CPEB3: variants seen among roughly 807,000 people sequenced by gnomAD.
CPEB3 encodes cytoplasmic polyadenylation element binding protein 3, also known as cytoplasmic polyadenylation element-binding protein 3.
A neutral mutation model predicts 67.2 loss-of-function variants in CPEB3; 20 were observed. That is an observed-to-expected ratio of 0.30 (90% CI 0.21 to 0.43). The LOEUF is 0.43. CPEB3 is among the 20% of genes least tolerant of loss of function. The pLI is 1.00. For missense variants in CPEB3, 746 were observed against 968.6 expected, an observed-to-expected ratio of 0.77 and a Z score of 3.05; for synonymous variants, 376 against 393.1, an observed-to-expected ratio of 0.96 and a Z score of 0.51.
intron 8 of CPEB3, among the ~76,000 whole-genome samples, chr10:92,083,503 C>T (rs1843240614): frequency 2.0e-5 from 3 of 152,050 alleles, no homozygotes; most frequent in African/African-American, 7.3e-5. Flanking sequence ...AGAATCTCCT[C>T]ATACGGCTAA....
At chr10:92,235,444 CAA>C in intron 2 of CPEB3, among the ~76,000 whole-genome samples, 1 of 134,634 alleles carries the variant, frequency 7.4e-6, no homozygotes, top group Non-Finnish European at 1.6e-5. Flanking sequence ...GACATTGTCT[CAA>C]AAAAAAAAAA....
In CPEB3 at chr10:92,057,593, C is replaced by T. The variant is rs557147910; in HGVS notation, c.1870-5154G>A. Among the ~76,000 whole-genome samples, 3 of 152,338 alleles carry T rather than the reference C, an allele frequency of 2.0e-5. No homozygotes were observed. In the South Asian group the frequency reaches 6.2e-4, roughly 32 times the overall value. On this transcript the variant is annotated intron_variant, in intron 9 of 9. Transcript: ENST00000265997. ...CCTGCTGATAGTAGTGCCCCAGGGC[C>T]CTGAGCGAACACAGGCAGTAACCAG...
chr10:92,216,518 G>A (rs1344790768), intron 2 of CPEB3: 12 of 1,612,788 alleles, frequency 7.4e-6, no homozygotes, highest in African/African-American at 4.0e-5. Flanking sequence ...GATTCGGCGC[G>A]GGGTGAAAGA....
At chr10:92,123,981 A>G (rs1845504824) in intron 6 of CPEB3, among the ~76,000 whole-genome samples, 1 of 152,170 alleles carries the variant, frequency 6.6e-6, no homozygotes, top group Admixed American at 6.5e-5. Flanking sequence ...CCTTAGCCCT[A>G]TCTAACTACT....
At chr10:92,080,898 C>T (rs541708259) in intron 9 of CPEB3, among the ~76,000 whole-genome samples, 97 of 152,248 alleles carry the variant, frequency 6.4e-4, no homozygotes, top group Middle Eastern at 3.4e-3. Flanking sequence ...CGCGCCCGGT[C>T]ATTTGGCAAT....
At chr10:92,240,522 T>C (rs1204549887) in intron 1 of CPEB3, among the ~76,000 whole-genome samples, 161 bp from the exon 2 acceptor site, 3 of 152,162 alleles carry the variant, frequency 2.0e-5, no homozygotes, top group African/African-American at 4.8e-5. Flanking sequence ...GGTCAGGCTG[T>C]TGGGTGGGGA....
intron 3 of CPEB3, among the ~76,000 whole-genome samples, chr10:92,185,761 G>A (rs996149877): frequency 1.3e-5 from 2 of 152,134 alleles, no homozygotes; most frequent in Non-Finnish European, 2.9e-5. Context: ...ATTCTACTGG[G>A]TTTTATTTCC....
At chr10:92,267,457 C>T (rs1040766270) in intron 1 of CPEB3, among the ~76,000 whole-genome samples, 1 of 152,164 alleles carries the variant, frequency 6.6e-6, no homozygotes, top group African/African-American at 2.4e-5. Context: ...GAAAGGCAGT[C>T]AGCAGCCAGA....
At chr10:92,280,631 G>A (rs1381285487) in intron 1 of CPEB3, among the ~76,000 whole-genome samples, 5 of 146,726 alleles carry the variant, frequency 3.4e-5, no homozygotes, top group Admixed American at 6.8e-5. Context: ...CAGAGGATGC[G>A]GTGGTTTCAG....
chr10:92,119,128 T>G (rs1845199689), intron 6 of CPEB3: 1 of 1,586,342 alleles, frequency 6.3e-7, no homozygotes, highest in Non-Finnish European at 8.7e-7. Context: ...TCCTGGTTCT[T>G]ACTGTGTTGT....
chr10:92,195,145 C>G (rs537764410), intron 2 of CPEB3, among the ~76,000 whole-genome samples: 302 of 151,276 alleles, frequency 2.0e-3, no homozygotes, highest in Non-Finnish European at 3.0e-3. Flanking sequence ...TTAAGAAAAG[C>G]AAGATAAGCA....
chr10:92,228,519 G>A (rs1851096555), intron 2 of CPEB3, among the ~76,000 whole-genome samples: 1 of 152,020 alleles, frequency 6.6e-6, no homozygotes, highest in Non-Finnish European at 1.5e-5. Flanking sequence ...GGGTTCGATT[G>A]TCAGATCACT....
intron 7 of CPEB3, among the ~76,000 whole-genome samples, chr10:92,100,337 G>A (rs574686279): frequency 1.3e-5 from 2 of 152,090 alleles, no homozygotes; most frequent in African/African-American, 4.8e-5. Context: ...GCAATGGCAC[G>A]ATCTCTGCTC....
intron 9 of CPEB3, among the ~76,000 whole-genome samples, chr10:92,072,478 C>T (rs962720314): frequency 7.2e-5 from 11 of 152,180 alleles, no homozygotes; most frequent in Admixed American, 7.2e-4. Flanking sequence ...CTAGTAACTT[C>T]CCAGAGCATT....
At chr10:92,247,947 T>G (rs1183821768) in intron 1 of CPEB3, among the ~76,000 whole-genome samples, 1 of 152,178 alleles carries the variant, frequency 6.6e-6, no homozygotes, top group African/African-American at 2.4e-5. Context: ...TAGGCTGGAG[T>G]GCAGTGGTGT....
intron 4 of CPEB3, among the ~76,000 whole-genome samples, chr10:92,174,366 T>C (rs892795020): frequency 1.3e-4 from 20 of 152,200 alleles, no homozygotes; most frequent in Non-Finnish European, 1.5e-5. Context: ...AGCCCTCAGT[T>C]CAAATAGAAA....
upstream of CPEB3, chr10:92,291,222 C>A (rs569215005): frequency 2.1e-5 from 11 of 533,846 alleles, no homozygotes; most frequent in African/African-American, 2.2e-4. Flanking sequence ...GGTCCATGGA[C>A]CGGAACCTCG....
intron 3 of CPEB3, among the ~76,000 whole-genome samples, chr10:92,191,980 C>T (rs1343493467): frequency 6.6e-6 from 1 of 152,180 alleles, no homozygotes; most frequent in African/African-American, 2.4e-5. Flanking sequence ...TCAGAGACTG[C>T]AAAGGGTCAC....
chr10:92,190,579 C>T (rs1258747181), intron 3 of CPEB3, among the ~76,000 whole-genome samples: 1 of 147,152 alleles, frequency 6.8e-6, no homozygotes, highest in African/African-American at 2.5e-5. Flanking sequence ...GCAGGAGAAT[C>T]GCTTGAACCC....
Sources: gnomAD v4.1 joint callset for allele counts (sites outside exome capture counted in the v4.1 genomes callset) on GRCh38, gnomAD v4.1.1 for gene constraint, MANE v1.5 for transcripts, NCBI Gene and HGNC (gene_info 2026-07-23, HGNC 2026-07-21) for gene names.